The following SGMS2 variants were observed in gnomAD, a reference collection of about 807,000 sequenced individuals.
SGMS2 encodes the protein phosphatidylcholine:ceramide cholinephosphotransferase 2.
A neutral mutation model predicts 43.8 loss-of-function variants in SGMS2; 21 were observed. The ratio of observed to expected loss-of-function variants is 0.48; its 90% CI spans 0.34 to 0.69. SGMS2 has a LOEUF of 0.69. Ranked by LOEUF, SGMS2 falls within the 30% of genes least tolerant of loss-of-function variation. The probability of loss-of-function intolerance (pLI) is 0.01; values close to 1 mark genes in which losing one functional copy is unlikely to be tolerated. For synonymous variants in SGMS2, 167 were observed against 160.6 expected (o/e 1.04, Z -0.30); for missense variants, 384 against 443.2 (o/e 0.87, Z 1.20).
At chr4:107,851,089 T>G (rs1727115532) in intron 1 of SGMS2, among the ~76,000 whole-genome samples, 1 of 152,184 alleles carries the variant, frequency 6.6e-6, no homozygotes, top group African/African-American at 2.4e-5. Flanking sequence ...AAAAGAAGAC[T>G]TGAAAAAACT....
Position 107,895,962 on chromosome 4 carries a change from A to G in SGMS2, c.409A>G (p.Ile137Val), listed in dbSNP as rs766967019. The change falls in exon 3 of 7, where the codon ATA becomes GTA. Residue 137 changes from isoleucine to valine, a missense_variant. Transcript: ENST00000690982. ...TTCTGTATCAGAAATAAATGGGATT[A>G]TATTAGTTGGATTATGGATCACCCA... Reference protein sequence around the residue: ...AFSVSEINGIILVGLWITQWL... With the variant: ...AFSVSEINGIVLVGLWITQWL... 11 of 1,613,864 alleles carry G rather than the reference A, an allele frequency of 6.8e-6. No individual in the cohort carries two copies. The highest frequency in any genetic ancestry group is 6.7e-5 in the Admixed American group (4 of 59,980).
chr4:107,850,419 C>G (rs768388548), intron 1 of SGMS2, among the ~76,000 whole-genome samples: 2 of 152,076 alleles, frequency 1.3e-5, no homozygotes, highest in Non-Finnish European at 2.9e-5. Context: ...TATCTCTAAG[C>G]CTTTTTGGAA....
intron 2 of SGMS2, among the ~76,000 whole-genome samples, chr4:107,891,417 C>T (rs1206671105): frequency 2.0e-5 from 3 of 152,030 alleles, no homozygotes; most frequent in African/African-American, 4.8e-5. Context: ...TAACTTTAGC[C>T]AAGACAAACC....
chr4:107,848,444 T>C (rs1289172890), intron 1 of SGMS2, among the ~76,000 whole-genome samples: 2 of 152,190 alleles, frequency 1.3e-5, no homozygotes, highest in East Asian at 1.9e-4. Context: ...AGGAGAACTA[T>C]TGCCTTGTCA....
chr4:107,878,337 A>G (rs898903099), intron 2 of SGMS2, among the ~76,000 whole-genome samples: 7 of 152,182 alleles, frequency 4.6e-5, no homozygotes, highest in Non-Finnish European at 7.3e-5. Context: ...AGCTGGGGAA[A>G]AGGGGTTGGG....
At chr4:107,900,795 C>T in intron 4 of SGMS2, among the ~76,000 whole-genome samples, 1 of 152,220 alleles carries the variant, frequency 6.6e-6, no homozygotes, top group East Asian at 1.9e-4. Context: ...AAGACGTCCA[C>T]AGTCTCCCTC....
intron 2 of SGMS2, among the ~76,000 whole-genome samples, chr4:107,866,560 C>G (rs529058472): frequency 2.0e-5 from 3 of 150,596 alleles, no homozygotes; most frequent in African/African-American, 7.3e-5. Flanking sequence ...GAGTGAAGCT[C>G]TGTCTCAAAA....
chr4:107,838,422 ACTTCTTCTT>A lies in SGMS2; in HGVS notation c.-327+13185_-327+13193del, dbSNP rs3079219. Among the ~76,000 whole-genome samples the A allele has an allele frequency of 5.6e-3, 855 of 151,768 alleles. 7 individuals are homozygous for A. Among genetic ancestry groups the A allele is most frequent in the African/African-American group, 0.02 (818 of 41,308 alleles). Reference sequence around the variant, plus strand: ...TCCACTTTACCCTGTGGGCTAGAGGACTTCTTCTTCTTCTTCTTCTTCTTTTTTTGAAGT... The same window carrying A: ...TCCACTTTACCCTGTGGGCTAGAGGACTTCTTCTTCTTCTTTTTTTGAAGT... On this transcript the variant is annotated intron_variant, in intron 1 of 6. Coordinates refer to ENST00000690982, the MANE Select transcript of SGMS2 (RefSeq NM_001375905.1).
Position 107,908,487 on chromosome 4 carries a change from A to C in SGMS2, c.728-78A>C, listed in dbSNP as rs1324923212. The C allele has an allele frequency of 2.9e-6, 4 of 1,396,384 alleles. No homozygotes were observed. The African/African-American group carries it at 5.7e-5, about 20-fold the overall frequency. The allele number at this position is 1,396,384 out of a possible 1,614,324, so 86.5% of individuals were successfully genotyped here. ...TTCCTGATCCTGGGTTATTCTACTT[A>C]AGGTCGTTAGGACAGACTGTAATCA... On this transcript the variant is annotated intron_variant, in intron 5 of 6. Transcript: ENST00000690982.
chr4:107,844,864 C>A (rs1726724411), intron 1 of SGMS2, among the ~76,000 whole-genome samples: 1 of 152,158 alleles, frequency 6.6e-6, no homozygotes, highest in African/African-American at 2.4e-5. Flanking sequence ...GATTAATTTT[C>A]TTTCAGGTGC....
intron 2 of SGMS2, among the ~76,000 whole-genome samples, chr4:107,871,912 A>G (rs1216590783): frequency 6.6e-6 from 1 of 152,144 alleles, no homozygotes; most frequent in African/African-American, 2.4e-5. Context: ...CTTTTTTAAA[A>G]AACCTAATAT....
At chr4:107,902,086 CTT>C (rs574752893) in intron 4 of SGMS2, among the ~76,000 whole-genome samples, 1 of 143,184 alleles carries the variant, frequency 7.0e-6, no homozygotes. Flanking sequence ...TTGTTTTTTC[CTT>C]TTTTTTTTTT....
intron 4 of SGMS2, among the ~76,000 whole-genome samples, chr4:107,901,630 G>T (rs1400319098): frequency 1.3e-5 from 2 of 152,114 alleles, no homozygotes; most frequent in Non-Finnish European, 2.9e-5. Context: ...TGTATCCTAT[G>T]GTTCACTTTT....
At position 107,895,836 on chromosome 4, in the gene SGMS2, G is replaced by A. The variant is rs140662367; in HGVS notation, c.283G>A (p.Val95Ile). 4.5e-5 allele frequency: 73 copies of A among 1,613,780 alleles called. No individual in the cohort carries two copies. The African/African-American group carries it at 4.9e-4, about 11-fold the overall frequency. The part of the protein sequence containing the change: ...YAVFNLVLTT[V>I]MITVVHERVP... ...AGTTTTCAACCTCGTCTTGACAACC[G>A]TCATGATCACAGTTGTACATGAGAG... The change falls in exon 3 of 7, where the codon GTC becomes ATC. Residue 95 changes from valine (V) to isoleucine (I), a missense_variant. Val to Ile is a conservative substitution (Grantham distance 29). Coordinates refer to ENST00000690982, the MANE Select transcript of SGMS2 (RefSeq NM_001375905.1).
At position 107,847,867 on chromosome 4, in the gene SGMS2, C is replaced by A. The variant is rs577065332; in HGVS notation, c.-326-10605C>A. On this transcript the variant is annotated intron_variant, in intron 1 of 6. Coordinates refer to ENST00000690982, the MANE Select transcript of SGMS2 (RefSeq NM_001375905.1). The stretch of plus-strand genomic sequence containing the variant: ...AGTTCCCATAAGCTATACCCCTACC[C>A]CTCAGTTTCCCACATTAGTGTAGTA... Among the ~76,000 whole-genome samples, 3 of 152,224 alleles carry A rather than the reference C, an allele frequency of 2.0e-5. No homozygotes were observed. The South Asian group carries it at 6.2e-4, about 32-fold the overall frequency.
chr4:107,876,312 G>A (rs1178077860), intron 2 of SGMS2, among the ~76,000 whole-genome samples: 1 of 152,120 alleles, frequency 6.6e-6, no homozygotes. Flanking sequence ...TCTTAGGCAT[G>A]TGCCATCCGC....
chr4:107,837,314 A>T (rs1389166), intron 1 of SGMS2, among the ~76,000 whole-genome samples: 6 of 151,964 alleles, frequency 3.9e-5, no homozygotes, highest in Non-Finnish European at 8.8e-5. Flanking sequence ...GGAAGGAAGT[A>T]GAGAGTGACT....
At chr4:107,867,091 C>A (rs1728185750) in intron 2 of SGMS2, 1 of 152,140 alleles carries the variant, frequency 6.6e-6, no homozygotes, top group Non-Finnish European at 1.5e-5. Context: ...AAGCAGAGCT[C>A]CTCAAGTTGA....
Position 107,892,234 on chromosome 4 carries a change from CAAA to C in SGMS2, c.-244-3055_-244-3053del, listed in dbSNP as rs34353350. On this transcript the variant is annotated intron_variant, in intron 2 of 6. Transcript: ENST00000690982. ...CTTGTGTTGGAAGCAACTAAAACTC[CAAA>C]AAAAAAAAAAAAAAAAAAAAGGTTG... is the stretch of plus-strand genomic sequence containing the variant. Among the ~76,000 whole-genome samples, 204 of 75,090 alleles carry C rather than the reference CAAA, an allele frequency of 2.7e-3. 2 individuals carry two copies. The highest frequency in any genetic ancestry group is 0.01 in the African/African-American group (192 of 18,578). 49.3% of individuals were successfully genotyped at this position (75,090 alleles called of 152,430 possible). A position where few individuals can be genotyped will look rare whatever the true frequency, so the allele number is the denominator to read the frequency against.
Sources: gnomAD v4.1 joint callset for allele counts (sites outside exome capture counted in the v4.1 genomes callset) on GRCh38, gnomAD v4.1.1 for gene constraint, MANE v1.5 for transcripts, NCBI Gene and HGNC (gene_info 2026-07-23, HGNC 2026-07-21) for gene names.